The following PLEKHM3 variants were observed in gnomAD, a reference collection of about 807,000 sequenced individuals.
The protein encoded by PLEKHM3 is pleckstrin homology domain-containing family M member 3.
PLEKHM3 carries 45 observed loss-of-function variants against 81.8 expected under a neutral mutation model. The ratio of observed to expected loss-of-function variants is 0.55; its 90% confidence interval spans 0.43 to 0.71. The LOEUF is 0.71. PLEKHM3 is among the 30% of genes least tolerant of loss of function. PLEKHM3 has a pLI of 0.00. For synonymous variants in PLEKHM3, 352 were observed against 356.4 expected (o/e 0.99, Z 0.14); for missense variants, 788 against 924.3 (o/e 0.85, Z 1.91).
At chr2:207,931,259 T>C (rs1263072101) in intron 4 of PLEKHM3, 140 bp from the exon 5 acceptor site, 2 of 830,446 alleles carry the variant, frequency 2.4e-6, no homozygotes. Context: ...TGTAGTTGAA[T>C]TAAATGTAAA....
chr2:207,864,544 C>G lies in PLEKHM3; in HGVS notation c.1951-3282G>C, dbSNP rs182544854. 2.1e-4 allele frequency among the ~76,000 whole-genome samples: 32 copies of G among 152,296 alleles called. No homozygotes were observed. In the East Asian group the frequency reaches 5.2e-3, roughly 25 times the overall value. On this transcript the variant is annotated intron_variant, in intron 6 of 7. Transcript: ENST00000427836. ...AGGGGGAAACAACCAGGATAGAGAACAGTCTGGAAACCAGGTGAGTAAAGG... is the reference window on the plus strand; with the variant it reads ...AGGGGGAAACAACCAGGATAGAGAAGAGTCTGGAAACCAGGTGAGTAAAGG...
chr2:207,898,226 G>A (rs912799378), intron 6 of PLEKHM3, among the ~76,000 whole-genome samples: 1 of 152,154 alleles, frequency 6.6e-6, no homozygotes, highest in Non-Finnish European at 1.5e-5. Context: ...TTTAAATATT[G>A]AGAAATTTCA....
intron 2 of PLEKHM3, among the ~76,000 whole-genome samples, chr2:207,999,130 G>A (rs868131668): frequency 6.6e-5 from 10 of 151,924 alleles, no homozygotes; most frequent in Non-Finnish European, 1.0e-4. Context: ...CTACAGGCAC[G>A]TGCCACCAAG....
chr2:207,954,749 G>A (rs1385868836), intron 3 of PLEKHM3, among the ~76,000 whole-genome samples: 2 of 152,204 alleles, frequency 1.3e-5, no homozygotes, highest in Non-Finnish European at 2.9e-5. Context: ...TGTGTTAACA[G>A]TGCTAGAGGT....
intron 3 of PLEKHM3, among the ~76,000 whole-genome samples, chr2:207,964,895 G>T (rs1268033381): frequency 6.6e-6 from 1 of 152,122 alleles, no homozygotes; most frequent in Non-Finnish European, 1.5e-5. Flanking sequence ...CAATTTCTGG[G>T]ACTGTGTGTG....
At chr2:207,872,946 C>A (rs754577760) in intron 6 of PLEKHM3, among the ~76,000 whole-genome samples, 3 of 152,126 alleles carry the variant, frequency 2.0e-5, no homozygotes, top group Non-Finnish European at 4.4e-5. Context: ...AAGCAACTCC[C>A]TGTATGTACG....
intron 5 of PLEKHM3, among the ~76,000 whole-genome samples, chr2:207,918,385 G>C (rs1368917856): frequency 6.6e-6 from 1 of 152,130 alleles, no homozygotes; most frequent in Non-Finnish European, 1.5e-5. Flanking sequence ...AGCTGGACGT[G>C]GTGGTGGGCG....
At chr2:207,884,112 AACATAGCGAG>A (rs1687806403) in intron 6 of PLEKHM3, among the ~76,000 whole-genome samples, 1 of 152,154 alleles carries the variant, frequency 6.6e-6, no homozygotes, top group Non-Finnish European at 1.5e-5. Context: ...CACTCTGGGC[AACATAGCGAG>A]ACCCCCGTCC....
intron 4 of PLEKHM3, among the ~76,000 whole-genome samples, chr2:207,937,361 T>C (rs565983871): frequency 1.1e-3 from 164 of 152,198 alleles, no homozygotes; most frequent in African/African-American, 3.7e-3. Context: ...AGGCCAGGAG[T>C]TTGAGACCAG....
In PLEKHM3 at chr2:207,864,047, T is replaced by C. The variant is rs554666642; in HGVS notation, c.1951-2785A>G. The stretch of plus-strand genomic sequence containing the variant: ...TGCAAGCAAATTGTCACTTTGTATA[T>C]AGCTGTGTTTTTGCATTTGAAAAAA... On this transcript the variant is annotated intron_variant, in intron 6 of 7. Coordinates refer to ENST00000427836, the MANE Select transcript of PLEKHM3 (RefSeq NM_001080475.3). Among the ~76,000 whole-genome samples the C allele has an allele frequency of 2.6e-5, 4 of 152,164 alleles. No individual in the cohort carries two copies. In the East Asian group the frequency reaches 5.8e-4, roughly 22 times the overall value.
chr2:207,984,540 C>A (rs1691651325), intron 2 of PLEKHM3, among the ~76,000 whole-genome samples: 1 of 152,166 alleles, frequency 6.6e-6, no homozygotes, highest in East Asian at 1.9e-4. Context: ...GCCACCACAC[C>A]CAGCTGGTTT....
At chr2:208,010,245 T>C (rs1692643991) in intron 1 of PLEKHM3, among the ~76,000 whole-genome samples, 2 of 152,242 alleles carry the variant, frequency 1.3e-5, no homozygotes, top group African/African-American at 4.8e-5. Context: ...ATTTGCTGCC[T>C]CAGAAACCTA....
chr2:207,929,277 A>G (rs547109106), intron 5 of PLEKHM3, among the ~76,000 whole-genome samples: 17 of 152,338 alleles, frequency 1.1e-4, no homozygotes, highest in African/African-American at 3.8e-4. Context: ...ATGGTGGTAA[A>G]CCACCAGACT....
intron 2 of PLEKHM3, among the ~76,000 whole-genome samples, chr2:207,985,866 T>C (rs1220852835): frequency 6.6e-6 from 1 of 151,790 alleles, no homozygotes; most frequent in East Asian, 1.9e-4. Context: ...CAGGCACCTG[T>C]AGTCCCAGCT....
At position 207,930,549 on chromosome 2, in the gene PLEKHM3, A is replaced by G. The variant is rs1689555255; in HGVS notation, c.1886+377T>C. 2.0e-5 allele frequency among the ~76,000 whole-genome samples: 3 copies of G among 152,076 alleles called. No homozygotes were observed. The South Asian group carries it at 6.2e-4, about 31-fold the overall frequency. ...TTTTAAACATGCTTATTTTTTGCTGATGAGAAACAGGAATTGAAATTGGGA... is the reference window on the plus strand; with the variant it reads ...TTTTAAACATGCTTATTTTTTGCTGGTGAGAAACAGGAATTGAAATTGGGA... On this transcript the variant is annotated intron_variant, in intron 5 of 7. Transcript: ENST00000427836.
chr2:207,963,330 G>C (rs1690802741), intron 3 of PLEKHM3, among the ~76,000 whole-genome samples: 2 of 152,180 alleles, frequency 1.3e-5, no homozygotes, highest in South Asian at 4.1e-4. Flanking sequence ...GGGAGAAAGT[G>C]GCAAGAAGGC....
intron 2 of PLEKHM3, among the ~76,000 whole-genome samples, chr2:207,992,680 C>G (rs553625511): frequency 6.6e-6 from 1 of 151,650 alleles, no homozygotes; most frequent in Non-Finnish European, 1.5e-5. Flanking sequence ...AATTATCTAT[C>G]GTGCACAGCA....
intron 6 of PLEKHM3, among the ~76,000 whole-genome samples, chr2:207,872,942 C>CA (rs766935223): frequency 2.0e-5 from 3 of 152,122 alleles, no homozygotes; most frequent in Non-Finnish European, 4.4e-5. Flanking sequence ...AACAAAGCAA[C>CA]TCCCTGTATG....
chr2:207,955,928 T>C (rs1690491415), intron 3 of PLEKHM3, among the ~76,000 whole-genome samples: 1 of 151,810 alleles, frequency 6.6e-6, no homozygotes, highest in Admixed American at 6.6e-5. Context: ...AGATAAGAGA[T>C]GAGGAAAGGA....
Sources: allele counts gnomAD v4.1 joint callset (sites outside exome capture counted in the v4.1 genomes callset), GRCh38; gene constraint gnomAD v4.1.1; transcripts MANE v1.5; gene names NCBI Gene and HGNC (gene_info 2026-07-23, HGNC 2026-07-21).